The following MED12L variants were observed in gnomAD, a reference collection of about 807,000 sequenced individuals.
MED12L encodes the protein mediator of RNA polymerase II transcription subunit 12-like protein.
In MED12L, 60 loss-of-function variants were observed where a neutral mutation model predicts 281.3. That is an observed-to-expected ratio of 0.21 (90% CI 0.17 to 0.26). The LOEUF is 0.26. Among genes scored for constraint, MED12L ranks in the 10% least tolerant of loss-of-function variants. The probability of loss-of-function intolerance (pLI) is 1.00; values close to 1 mark genes in which losing one functional copy is unlikely to be tolerated. For synonymous variants in MED12L, 974 were observed against 987.2 expected, an observed-to-expected ratio of 0.99 and a Z score of 0.25; for missense variants, 2,146 against 2,680.9, an observed-to-expected ratio of 0.80 and a Z score of 4.41.
At chr3:151,093,120 A>G (rs1262506464) in intron 2 of MED12L, among the ~76,000 whole-genome samples, 1 of 152,210 alleles carries the variant, frequency 6.6e-6, no homozygotes. Flanking sequence ...AGCCTGGGCA[A>G]CATAGTGAGA....
chr3:151,292,296 T>C (rs913257381), intron 16 of MED12L, among the ~76,000 whole-genome samples: 1 of 151,734 alleles, frequency 6.6e-6, no homozygotes, highest in Non-Finnish European at 1.5e-5. Context: ...TCCTTTTTTT[T>C]TTTTTTTTTG....
In MED12L at chr3:151,160,023, C is replaced by T. The variant is rs764762756; in HGVS notation, c.1029C>T (p.Pro343=). The T allele has an allele frequency of 6.8e-6, 11 of 1,614,080 alleles. No individual in the cohort carries two copies. The highest frequency in any genetic ancestry group is 1.6e-4 in the Middle Eastern group (1 of 6,084). ...SPGPPGPGMS[P]VQLAFSDFLS... Reference sequence around the variant, plus strand: ...GCCCCCCCGGCCCTGGCATGAGCCCCGTGCAGCTGGCCTTCTCAGATTTTC... The same window carrying T: ...GCCCCCCCGGCCCTGGCATGAGCCCTGTGCAGCTGGCCTTCTCAGATTTTC... Residue 343 remains proline, a synonymous_variant, in exon 8 of 45, where the codon CCC becomes CCT. Coordinates refer to ENST00000687756, the MANE Select transcript of MED12L (RefSeq NM_001393769.1).
chr3:151,248,803 T>G (rs1329642194), intron 16 of MED12L: 2 of 152,200 alleles, frequency 1.3e-5, no homozygotes, highest in Non-Finnish European at 2.9e-5. Flanking sequence ...AAAGCCATTT[T>G]ACATTGTAAT....
At chr3:151,340,293 T>C (rs1370453306) in intron 16 of MED12L, among the ~76,000 whole-genome samples, 1 of 152,176 alleles carries the variant, frequency 6.6e-6, no homozygotes, top group East Asian at 1.9e-4. Context: ...ATTCTTGACA[T>C]TGAGAATTTC....
rs189575283 is a variant in MED12L, at chr3:151,268,377, G to A, written c.2250+74711G>A. ...TAATTTTCTAACATATATACAAAGA[G>A]GAAGAAAATATGGTGAGCATACTGC... On this transcript the variant is annotated intron_variant, in intron 16 of 44. Coordinates refer to ENST00000687756, the MANE Select transcript of MED12L (RefSeq NM_001393769.1). Among the ~76,000 whole-genome samples the A allele has an allele frequency of 9.9e-4, 151 of 152,242 alleles. 1 individual carries two copies. The highest frequency in any genetic ancestry group is 3.4e-3 in the African/African-American group (142 of 41,548).
intron 32 of MED12L, among the ~76,000 whole-genome samples, chr3:151,380,682 C>T (rs1712132298): frequency 6.6e-6 from 1 of 151,742 alleles, no homozygotes; most frequent in Admixed American, 6.6e-5. Context: ...ATTCTTCTAC[C>T]TGGCATTGTA....
At chr3:151,390,713 A>G (rs1262536043) in intron 38 of MED12L, among the ~76,000 whole-genome samples, 5 of 152,344 alleles carry the variant, frequency 3.3e-5, no homozygotes, top group Middle Eastern at 6.8e-3. Context: ...ATGTTTTAGC[A>G]TATTTAAATT....
At chr3:151,124,207 T>G (rs1163773249) in intron 4 of MED12L, among the ~76,000 whole-genome samples, 2 of 152,218 alleles carry the variant, frequency 1.3e-5, no homozygotes, top group East Asian at 3.8e-4. Context: ...AGTGCATATT[T>G]TGGATTTGCT....
At chr3:151,230,055 C>T (rs1395391532) in intron 16 of MED12L, among the ~76,000 whole-genome samples, 2 of 151,986 alleles carry the variant, frequency 1.3e-5, no homozygotes, top group Non-Finnish European at 2.9e-5. Flanking sequence ...CTGCAAGCTT[C>T]GCCTGCTGGG....
chr3:151,432,016 G>T (rs1342145651), intron 44 of MED12L, among the ~76,000 whole-genome samples: 1 of 152,206 alleles, frequency 6.6e-6, no homozygotes, highest in Non-Finnish European at 1.5e-5. Context: ...ATACTCAGCT[G>T]CCTGATAAGC....
intron 5 of MED12L, among the ~76,000 whole-genome samples, chr3:151,140,814 C>T (rs543682113): frequency 6.7e-6 from 1 of 150,176 alleles, no homozygotes; most frequent in East Asian, 2.0e-4. Flanking sequence ...CGAGTAGCTG[C>T]GATTACAGGC....
At chr3:151,145,350 C>T (rs567844155) in intron 5 of MED12L, among the ~76,000 whole-genome samples, 15 of 152,282 alleles carry the variant, frequency 9.9e-5, no homozygotes, top group African/African-American at 3.1e-4. Flanking sequence ...CTGCTAGGTA[C>T]TTCTGTAGTC....
intron 11 of MED12L, among the ~76,000 whole-genome samples, chr3:151,166,646 G>T (rs1720763023): frequency 6.6e-6 from 1 of 151,864 alleles, no homozygotes; most frequent in Non-Finnish European, 1.5e-5. Context: ...CAGTCTGGAG[G>T]CAGAATTCTT....
intron 25 of MED12L, 82 bp from the exon 26 acceptor site, chr3:151,369,354 T>C: frequency 2.1e-6 from 2 of 947,184 alleles, no homozygotes; most frequent in Non-Finnish European, 3.2e-6. Context: ...AGTCTAACAA[T>C]GAAAGGCTGA....
intron 5 of MED12L, among the ~76,000 whole-genome samples, chr3:151,130,431 CA>C (rs1274702397): frequency 6.6e-6 from 1 of 152,202 alleles, no homozygotes; most frequent in Non-Finnish European, 1.5e-5. Context: ...GCCAAACCAC[CA>C]CCACCTTTGC....
intron 2 of MED12L, among the ~76,000 whole-genome samples, chr3:151,093,319 A>G (rs1576708931): frequency 2.6e-5 from 4 of 152,256 alleles, no homozygotes; most frequent in Admixed American, 2.6e-4. Context: ...AAATGCAGAT[A>G]AAGTGGCCCA....
At chr3:151,358,038 T>C (rs900695686) in intron 20 of MED12L, among the ~76,000 whole-genome samples, 24 of 152,166 alleles carry the variant, frequency 1.6e-4, no homozygotes, top group African/African-American at 5.8e-4. Context: ...AGACAACCTG[T>C]TATTTCTTTC....
intron 2 of MED12L, among the ~76,000 whole-genome samples, chr3:151,101,947 C>A (rs1304692534): frequency 6.6e-6 from 1 of 152,144 alleles, no homozygotes; most frequent in African/African-American, 2.4e-5. Context: ...ATAGACAACA[C>A]TCATATTTCT....
intron 18 of MED12L, 114 bp from the exon 19 acceptor site, chr3:151,355,782 G>A (rs944040102): frequency 2.5e-5 from 21 of 853,312 alleles, no homozygotes; most frequent in African/African-American, 1.0e-4. Flanking sequence ...TTTGACTTTC[G>A]TCAAAGTAGA....
Sources: allele counts gnomAD v4.1 joint callset (sites outside exome capture counted in the v4.1 genomes callset), GRCh38; gene constraint gnomAD v4.1.1; transcripts MANE v1.5; gene names NCBI Gene and HGNC (gene_info 2026-07-23, HGNC 2026-07-21).